AGBL1: variants seen among roughly 807,000 people sequenced by gnomAD.
AGBL1 encodes the protein AGBL carboxypeptidase 1, also known as cytosolic carboxypeptidase 4.
Under a neutral mutation model 118.9 loss-of-function variants are expected in AGBL1, and 130 were observed. The observed-to-expected ratio is 1.09, with a 90% confidence interval of 0.95 to 1.26. The LOEUF (loss-of-function observed/expected upper bound fraction) is 1.26, where lower values mean the gene tolerates loss of function less well. AGBL1 is among the 50% of genes most tolerant of loss of function. The probability of loss-of-function intolerance (pLI) is 0.00; values close to 1 mark genes in which losing one functional copy is unlikely to be tolerated. For missense variants in AGBL1, 1,584 were observed against 1,298.1 expected (o/e 1.22, Z -3.38); for synonymous variants, 555 against 478.9 (o/e 1.16, Z -2.08).
chr15:86,945,712 T>C (rs1801550438), intron 23 of AGBL1, among the ~76,000 whole-genome samples: 1 of 152,126 alleles, frequency 6.6e-6, no homozygotes, highest in African/African-American at 2.4e-5. Flanking sequence ...TTATTAAAAT[T>C]GGTTGACTCA....
intron 18 of AGBL1, among the ~76,000 whole-genome samples, chr15:86,419,860 GGGC>G (rs2081762228): frequency 6.6e-6 from 1 of 152,172 alleles, no homozygotes; most frequent in South Asian, 2.1e-4. Flanking sequence ...AGTTAGGACT[GGGC>G]AGAGCCCCCT....
chr15:86,504,167 T>C (rs868060055), intron 18 of AGBL1, among the ~76,000 whole-genome samples: 3 of 151,830 alleles, frequency 2.0e-5, no homozygotes, highest in Middle Eastern at 3.4e-3. Context: ...CATTATTTAA[T>C]GTCCTTCTTT....
chr15:86,838,941 TAAAAAAAAAAAA>T lies in AGBL1; in HGVS notation c.3159-68132_3159-68121del, dbSNP rs386383698. Reference sequence around the variant, plus strand: ...CCCCGGGCAACAGAATGAGATCCTGTAAAAAAAAAAAAAAAAAAAAAAAAAGAAAGAAATGTA... The same window carrying T: ...CCCCGGGCAACAGAATGAGATCCTGTAAAAAAAAAAAAAGAAAGAAATGTA... On this transcript the variant is annotated intron_variant, in intron 22 of 22. Coordinates refer to ENST00000614907, the MANE Select transcript of AGBL1 (RefSeq NM_001386094.1). Among the ~76,000 whole-genome samples, 4 of 48,006 alleles carry T rather than the reference TAAAAAAAAAAAA, an allele frequency of 8.3e-5. No individual in the cohort carries two copies. In the Admixed American group the frequency reaches 1.1e-3, roughly 13 times the overall value. 31.5% of individuals were successfully genotyped at this position (48,006 alleles called of 152,430 possible). A position where few individuals can be genotyped will look rare whatever the true frequency, so the allele number is the denominator to read the frequency against.
chr15:86,659,843 C>T (rs1409335178), intron 21 of AGBL1, among the ~76,000 whole-genome samples: 1 of 152,198 alleles, frequency 6.6e-6, no homozygotes, highest in African/African-American at 2.4e-5. Context: ...CTCCTGAGCA[C>T]TTGGGCATCA....
At chr15:86,990,549 C>A (rs1225850013) in intron 24 of AGBL1, among the ~76,000 whole-genome samples, 1 of 152,116 alleles carries the variant, frequency 6.6e-6, no homozygotes, top group Non-Finnish European at 1.5e-5. Context: ...GTTCTGGACA[C>A]ATGGGGAATA....
At chr15:86,750,462 C>A (rs2077832958) in intron 22 of AGBL1, among the ~76,000 whole-genome samples, 1 of 151,688 alleles carries the variant, frequency 6.6e-6, no homozygotes, top group African/African-American at 2.4e-5. Context: ...GCTGTGTAAT[C>A]TTTTGTCTTA....
At chr15:86,390,959 C>T (rs543912829) in intron 17 of AGBL1, among the ~76,000 whole-genome samples, 3 of 150,724 alleles carry the variant, frequency 2.0e-5, no homozygotes, top group South Asian at 2.1e-4. Flanking sequence ...CGTGAGCCAC[C>T]GTTACTCACA....
rs1464450504 is a variant in AGBL1 at position 86,533,562 on chromosome 15, C to T, written c.2685+10623C>T. On this transcript the variant is annotated intron_variant, in intron 19 of 22. Transcript: ENST00000614907. The stretch of plus-strand genomic sequence containing the variant: ...TGTGGAAGTCAGTGTGGCGATTCCT[C>T]AGGGATCTAGAACTAGAAATACCAT... 2.2e-5 allele frequency among the ~76,000 whole-genome samples: 3 copies of T among 134,708 alleles called. No homozygotes were observed. The South Asian group carries it at 7.6e-4, about 34-fold the overall frequency. 88.4% of individuals were successfully genotyped at this position (134,708 alleles called of 152,430 possible).
intron 18 of AGBL1, among the ~76,000 whole-genome samples, chr15:86,469,494 T>G (rs1404846127): frequency 1.3e-5 from 2 of 152,152 alleles, no homozygotes; most frequent in African/African-American, 4.8e-5. Context: ...CATGGACACT[T>G]AGATTGATTC....
intron 17 of AGBL1, among the ~76,000 whole-genome samples, chr15:86,392,381 A>G (rs1163596538): frequency 6.6e-6 from 1 of 152,222 alleles, no homozygotes; most frequent in African/African-American, 2.4e-5. Flanking sequence ...AAATGATGTC[A>G]CAATGAATAC....
intron 22 of AGBL1, among the ~76,000 whole-genome samples, chr15:86,902,406 C>G (rs1391136083): frequency 7.3e-6 from 1 of 137,346 alleles, no homozygotes; most frequent in African/African-American, 2.7e-5. Flanking sequence ...TAAAAAACAC[C>G]ACACAATTTT....
chr15:86,764,743 A>T lies in AGBL1; in HGVS notation c.3158+90307A>T, dbSNP rs555608736. On this transcript the variant is annotated intron_variant, in intron 22 of 22. Transcript: ENST00000614907. ...TCAGATGCTAAAGTTATTAGGAAAC[A>T]ACATGTCCAACTTATTTTATAACTA... 1.2e-4 allele frequency among the ~76,000 whole-genome samples: 18 copies of T among 152,194 alleles called. No individual in the cohort carries two copies. The East Asian group carries it at 3.5e-3, about 29-fold the overall frequency.
At chr15:86,450,960 C>G (rs1304358797) in intron 18 of AGBL1, among the ~76,000 whole-genome samples, 2 of 151,374 alleles carry the variant, frequency 1.3e-5, no homozygotes, top group African/African-American at 2.4e-5. Flanking sequence ...GATTTTTTTT[C>G]TTGGGGTTTG....
intron 17 of AGBL1, among the ~76,000 whole-genome samples, chr15:86,356,997 C>T (rs1310312582): frequency 6.6e-6 from 1 of 152,134 alleles, no homozygotes; most frequent in African/African-American, 2.4e-5. Flanking sequence ...ACCTTGTTTC[C>T]GGTTTTGTTG....
chr15:86,424,246 C>T (rs1411492856), intron 18 of AGBL1, among the ~76,000 whole-genome samples: 1 of 152,138 alleles, frequency 6.6e-6, no homozygotes, highest in Non-Finnish European at 1.5e-5. Flanking sequence ...CTTCTACAAC[C>T]ATCTTATCTT....
chr15:86,952,224 G>A (rs1447334251), intron 23 of AGBL1, among the ~76,000 whole-genome samples: 1 of 148,128 alleles, frequency 6.8e-6, no homozygotes, highest in African/African-American at 2.5e-5. Context: ...GCAAAACTCT[G>A]TCTCAAAAAA....
chr15:86,133,923 C>T (rs749669279), intron 1 of AGBL1, among the ~76,000 whole-genome samples: 6 of 152,144 alleles, frequency 3.9e-5, no homozygotes, highest in East Asian at 1.9e-4. Context: ...TGATAGCAGA[C>T]GTCTTTCTTA....
At chr15:86,400,173 C>G (rs1208816777) in intron 18 of AGBL1, among the ~76,000 whole-genome samples, 1 of 152,106 alleles carries the variant, frequency 6.6e-6, no homozygotes, top group Non-Finnish European at 1.5e-5. Flanking sequence ...CATGCCCACT[C>G]TGTTGTGTAT....
rs1477398828 is a variant in AGBL1 at position 86,635,289 on chromosome 15, C to T, written c.2995-38984C>T. The stretch of plus-strand genomic sequence containing the variant: ...CTCCTCCTCCTCCTCCTTCCCCTCC[C>T]CCTCCCCCTCCCCTCCTCCTCCTCC... On this transcript the variant is annotated intron_variant, in intron 21 of 22. Transcript: ENST00000614907. Among the ~76,000 whole-genome samples the T allele has an allele frequency of 5.4e-5, 3 of 55,682 alleles. 1 individual carries two copies. Among genetic ancestry groups the T allele is most frequent in the Non-Finnish European group, 9.5e-5 (3 of 31,716 alleles). 36.5% of individuals were successfully genotyped at this position (55,682 alleles called of 152,430 possible).
Sources: gnomAD v4.1 joint callset for allele counts (sites outside exome capture counted in the v4.1 genomes callset) on GRCh38, gnomAD v4.1.1 for gene constraint, MANE v1.5 for transcripts, NCBI Gene and HGNC (gene_info 2026-07-23, HGNC 2026-07-21) for gene names.